ARID1B: variants seen among roughly 807,000 people sequenced by gnomAD.
ARID1B encodes AT-rich interactive domain-containing protein 1B.
A neutral mutation model predicts 212.3 loss-of-function variants in ARID1B; 30 were observed. The observed-to-expected ratio is 0.14, with a 90% CI of 0.11 to 0.19. The LOEUF (loss-of-function observed/expected upper bound fraction) is 0.19. Among genes scored for constraint, ARID1B ranks in the 10% least tolerant of loss-of-function variants. The pLI, the probability that ARID1B is intolerant of heterozygous loss-of-function variation, is 1.00. For missense variants in ARID1B, 2,891 were observed against 3,204.0 expected, an observed-to-expected ratio of 0.90 and a Z score of 2.36; for synonymous variants, 1,402 against 1,301.7, an observed-to-expected ratio of 1.08 and a Z score of -1.66.
chr6:156,911,486 C>T (rs1218161685), intron 3 of ARID1B, among the ~76,000 whole-genome samples: 2 of 152,040 alleles, frequency 1.3e-5, no homozygotes, highest in Non-Finnish European at 2.9e-5. Flanking sequence ...CCTATAGCCA[C>T]TGTTTAAATG....
chr6:157,179,595 CTA>C (rs1792364343), intron 11 of ARID1B, among the ~76,000 whole-genome samples: 2 of 152,156 alleles, frequency 1.3e-5, no homozygotes, highest in African/African-American at 2.4e-5. Context: ...TATAAAACAA[CTA>C]TTTTTTATCA....
intron 4 of ARID1B, chr6:156,938,891 T>C (rs1300389236): frequency 6.6e-6 from 1 of 152,250 alleles, no homozygotes; most frequent in African/African-American, 2.4e-5. Flanking sequence ...AATGCAGTTA[T>C]GTTTTCCAGC....
chr6:157,087,506 G>T (rs1465212231), intron 5 of ARID1B, among the ~76,000 whole-genome samples: 2 of 152,208 alleles, frequency 1.3e-5, no homozygotes, highest in Non-Finnish European at 2.9e-5. Flanking sequence ...CACTGCACGT[G>T]AGACAGGTAC....
Position 157,207,599 on chromosome 6 carries a change from A to G in ARID1B, c.6827A>G (p.Lys2276Arg), listed in dbSNP as rs1427268156. 5.0e-6 allele frequency: 8 copies of G among 1,614,184 alleles called. No homozygotes were observed. The South Asian group carries it at 6.6e-5, about 13-fold the overall frequency. ...GCAGCAAGGGCCATAGCTGTGCAGA[A>G]AGGAAGCATTGGAAACTTGATAAGC... ...ALAARAIAVQ[K>R]GSIGNLISFL... Residue 2276 changes from lysine (K) to arginine (R), a missense_variant, in exon 20 of 20, where the codon AAA (lysine) becomes AGA (arginine). Transcript: ENST00000636930. The surrounding 1 kb of genome is among the most constrained non-coding windows in gnomAD (Gnocchi z 8.5).
intron 5 of ARID1B, among the ~76,000 whole-genome samples, chr6:157,106,187 G>A (rs192209276): frequency 6.6e-6 from 1 of 152,122 alleles, no homozygotes; most frequent in South Asian, 2.1e-4. Flanking sequence ...GGGGTGCTGG[G>A]GAGCCCAGGA....
intron 4 of ARID1B, among the ~76,000 whole-genome samples, chr6:157,065,433 A>G (rs972448980): frequency 6.6e-6 from 1 of 152,232 alleles, no homozygotes; most frequent in African/African-American, 2.4e-5. Flanking sequence ...TTTATTTTAA[A>G]TTAAAAAACC....
chr6:157,129,532 G>T (rs1347885117), intron 6 of ARID1B, among the ~76,000 whole-genome samples: 1 of 152,000 alleles, frequency 6.6e-6, no homozygotes, highest in Non-Finnish European at 1.5e-5. Flanking sequence ...ATAATACAAA[G>T]AAAAAAATAG....
intron 5 of ARID1B, among the ~76,000 whole-genome samples, chr6:157,098,637 G>C (rs1227223412): frequency 6.6e-6 from 1 of 152,200 alleles, no homozygotes; most frequent in East Asian, 1.9e-4. Flanking sequence ...TGGTCATACT[G>C]CCTATTTACT....
intron 3 of ARID1B, among the ~76,000 whole-genome samples, chr6:156,906,547 A>C (rs648776): frequency 7.6e-5 from 1 of 13,086 alleles, no homozygotes; most frequent in South Asian, 1.4e-3. Context: ...CTCCATCTCC[A>C]AAAAAAAAAA....
In ARID1B at chr6:157,134,864, G is replaced by T. The variant is rs141597328; in HGVS notation, c.2761+1657G>T. ...AGATGCAGACCTTGTTCTCAGAATT[G>T]GGTGTGGCTGAAGGTCTAGGAGTTA... On this transcript the variant is annotated intron_variant, in intron 7 of 19. Coordinates refer to ENST00000636930, the MANE Select transcript of ARID1B (RefSeq NM_001374828.1). 2.3e-3 allele frequency among the ~76,000 whole-genome samples: 345 copies of T among 152,278 alleles called. 1 individual carries two copies. Among genetic ancestry groups the T allele is most frequent in the African/African-American group, 7.9e-3 (328 of 41,546 alleles).
intron 4 of ARID1B, among the ~76,000 whole-genome samples, chr6:156,982,038 T>G (rs985846159): frequency 2.0e-4 from 30 of 152,198 alleles, no homozygotes; most frequent in African/African-American, 4.8e-4. Context: ...TTTTTTTTTT[T>G]TGTGACTCTT....
At chr6:157,150,375 G>A (rs1790107505) in intron 8 of ARID1B, 1 of 152,246 alleles carries the variant, frequency 6.6e-6, no homozygotes, top group African/African-American at 2.4e-5. Context: ...TTTCTAATGC[G>A]TAGACCATTC....
At chr6:156,991,307 T>TGC (rs1240162325) in intron 4 of ARID1B, among the ~76,000 whole-genome samples, 1 of 152,234 alleles carries the variant, frequency 6.6e-6, no homozygotes, top group African/African-American at 2.4e-5. Context: ...CTCGGCTCAC[T>TGC]GCAACCTCTG....
chr6:156,966,180 C>T (rs6919789), intron 4 of ARID1B, among the ~76,000 whole-genome samples: 1 of 152,116 alleles, frequency 6.6e-6, no homozygotes, highest in Non-Finnish European at 1.5e-5. Flanking sequence ...CCATTTCTTG[C>T]TTAACTTGAA....
intron 2 of ARID1B, among the ~76,000 whole-genome samples, chr6:156,897,062 T>C (rs538529451): frequency 1.3e-4 from 20 of 152,284 alleles, no homozygotes; most frequent in African/African-American, 4.8e-4. Context: ...TTTATTGGGA[T>C]AATTTTCTAA....
At chr6:157,074,981 G>A (rs1390404292) in intron 4 of ARID1B, among the ~76,000 whole-genome samples, 3 of 152,064 alleles carry the variant, frequency 2.0e-5, no homozygotes, top group Admixed American at 2.0e-4. Flanking sequence ...ATTATTATTG[G>A]CATTGGAAGT....
At chr6:156,830,642 T>C (rs753780476) in intron 2 of ARID1B, among the ~76,000 whole-genome samples, 4 of 152,098 alleles carry the variant, frequency 2.6e-5, no homozygotes, top group Non-Finnish European at 2.9e-5. Context: ...GTCTATGTTA[T>C]AGTAGCATGG....
chr6:156,981,177 C>G (rs1777578482), intron 4 of ARID1B, among the ~76,000 whole-genome samples: 2 of 152,172 alleles, frequency 1.3e-5, no homozygotes, highest in Non-Finnish European at 2.9e-5. Flanking sequence ...GTCTCTTCCT[C>G]TAAGATTGCT....
At chr6:157,073,383 T>A (rs1784106466) in intron 4 of ARID1B, among the ~76,000 whole-genome samples, 1 of 152,060 alleles carries the variant, frequency 6.6e-6, no homozygotes, top group South Asian at 2.1e-4. Flanking sequence ...GGATTACAGA[T>A]GTGAGCCACC....
Sources: allele counts gnomAD v4.1 joint callset (sites outside exome capture counted in the v4.1 genomes callset), GRCh38; gene constraint gnomAD v4.1.1; non-coding constraint Gnocchi (gnomAD v3.1); transcripts MANE v1.5; gene names NCBI Gene and HGNC (gene_info 2026-07-23, HGNC 2026-07-21).